RAD51B: variants seen among roughly 807,000 people sequenced by gnomAD.
RAD51B encodes the protein DNA repair protein RAD51 homolog 2.
RAD51B carries 38 observed loss-of-function variants against 42.2 expected under a neutral mutation model. The observed-to-expected ratio is 0.90, with a 90% CI of 0.70 to 1.18. RAD51B has a LOEUF of 1.18. RAD51B is among the 50% of genes most tolerant of loss of function. The probability of loss-of-function intolerance (pLI) is 0.00; values close to 1 mark genes in which losing one functional copy is unlikely to be tolerated. For missense variants in RAD51B, 373 were observed against 400.7 expected (o/e 0.93, Z 0.59); for synonymous variants, 154 against 145.2 (o/e 1.06, Z -0.43).
rs777314634 is a variant in RAD51B, at chr14:67,865,019, G to A, written c.332G>A (p.Gly111Asp). The A allele has an allele frequency of 1.1e-5, 7 of 633,976 alleles. No individual in the cohort carries two copies. The African/African-American group carries it at 1.2e-4, about 11-fold the overall frequency. 39.3% of individuals were successfully genotyped at this position (633,976 alleles called of 1,614,324 possible). A position where few individuals can be genotyped will look rare whatever the true frequency, so the allele number is the denominator to read the frequency against. ...TTTTTTTAGATTACAGGTCCACCAG[G>A]TTGTGGAAAAACTCAGTTTTGTATA... ...GSLTEITGPP[G>D]CGKTQFCIMM... Residue 111 changes from glycine to aspartate, a missense_variant, in exon 5 of 11, where the codon GGT (glycine) becomes GAT (aspartate). Coordinates refer to ENST00000471583, the MANE Select transcript of RAD51B (RefSeq NM_133510.4).
intron 8 of RAD51B, among the ~76,000 whole-genome samples, chr14:68,347,825 G>T: frequency 6.6e-6 from 1 of 152,202 alleles, no homozygotes; most frequent in East Asian, 1.9e-4. Flanking sequence ...GATTGCTTGG[G>T]AATCCAAGGC....
chr14:68,660,165 G>A (rs1430911304), intron 11 of RAD51B, among the ~76,000 whole-genome samples: 1 of 152,206 alleles, frequency 6.6e-6, no homozygotes, highest in African/African-American at 2.4e-5. Flanking sequence ...CCACCACTCA[G>A]TTTCAGCTGG....
At chr14:68,541,205 C>T in intron 10 of RAD51B, 1 of 985,432 alleles carries the variant, frequency 1.0e-6, no homozygotes, top group Non-Finnish European at 1.2e-6. Context: ...CCTTTCTCTG[C>T]TCAGCTCCGT....
At position 67,951,382 on chromosome 14, in the gene RAD51B, T is replaced by A. The variant is rs542213318; in HGVS notation, c.756+64178T>A. 1.5e-4 allele frequency among the ~76,000 whole-genome samples: 23 copies of A among 152,346 alleles called. No homozygotes were observed. In the South Asian group the frequency reaches 4.3e-3, roughly 29 times the overall value. On this transcript the variant is annotated intron_variant, in intron 7 of 10. Transcript: ENST00000471583. ...GATAGTTTGCCATTGTCAAGTTAAATTTTTATGAGCTTTTTCAGAGCAGAA... is the reference window on the plus strand; with the variant it reads ...GATAGTTTGCCATTGTCAAGTTAAAATTTTATGAGCTTTTTCAGAGCAGAA...
intron 7 of RAD51B, among the ~76,000 whole-genome samples, chr14:67,942,075 T>TG (rs2045229513): frequency 6.6e-6 from 1 of 152,236 alleles, no homozygotes; most frequent in South Asian, 2.1e-4. Context: ...ATAAAGTAGT[T>TG]GGACCTGCTG....
At chr14:68,108,862 CTGTT>C (rs2077417552) in intron 7 of RAD51B, among the ~76,000 whole-genome samples, 1 of 151,828 alleles carries the variant, frequency 6.6e-6, no homozygotes, top group African/African-American at 2.4e-5. Context: ...CTTCAATTAT[CTGTT>C]TGTGTCTGGG....
chr14:68,649,172 A>G (rs1892648291), intron 10 of RAD51B, among the ~76,000 whole-genome samples: 1 of 152,228 alleles, frequency 6.6e-6, no homozygotes, highest in Admixed American at 6.5e-5. Flanking sequence ...TCCCAGCTCC[A>G]AGCTCCGAGC....
chr14:68,594,236 G>A (rs536745410), intron 10 of RAD51B, among the ~76,000 whole-genome samples: 4 of 152,180 alleles, frequency 2.6e-5, no homozygotes, highest in South Asian at 2.1e-4. Context: ...TGAGTGAGGC[G>A]GTGGGGGAGA....
intron 10 of RAD51B, among the ~76,000 whole-genome samples, chr14:68,594,000 CTTTG>C (rs1304783825): frequency 2.6e-5 from 4 of 152,150 alleles, no homozygotes; most frequent in African/African-American, 4.8e-5. Flanking sequence ...CACTGGGGCA[CTTTG>C]TTTGTGTATG....
intron 7 of RAD51B, among the ~76,000 whole-genome samples, chr14:68,117,443 G>T (rs372292849): frequency 1.3e-5 from 2 of 152,108 alleles, no homozygotes; most frequent in African/African-American, 4.8e-5. Context: ...AGATATGACC[G>T]TGGAGAGCTC....
At chr14:68,338,924 A>G in intron 8 of RAD51B, 1 of 657,534 alleles carries the variant, frequency 1.5e-6, no homozygotes, top group South Asian at 1.4e-5. Context: ...TGAAGACAAC[A>G]GTGGTGCAGG....
chr14:68,182,774 T>A (rs752197485), intron 7 of RAD51B, among the ~76,000 whole-genome samples: 5 of 152,252 alleles, frequency 3.3e-5, no homozygotes, highest in African/African-American at 9.6e-5. Flanking sequence ...TTTGCAAACA[T>A]GCCTAGTTTC....
At chr14:67,956,249 C>T (rs1315765110) in intron 7 of RAD51B, among the ~76,000 whole-genome samples, 1 of 152,110 alleles carries the variant, frequency 6.6e-6, no homozygotes, top group Non-Finnish European at 1.5e-5. Flanking sequence ...CCTGTAATCC[C>T]AGTAGTTTGG....
At chr14:67,933,352 G>A (rs2044810619) in intron 7 of RAD51B, among the ~76,000 whole-genome samples, 1 of 152,200 alleles carries the variant, frequency 6.6e-6, no homozygotes, top group Non-Finnish European at 1.5e-5. Flanking sequence ...GAGATATGGG[G>A]CCTCTGATTT....
At chr14:67,916,630 C>T (rs919020110) in intron 7 of RAD51B, among the ~76,000 whole-genome samples, 2 of 152,106 alleles carry the variant, frequency 1.3e-5, no homozygotes, top group African/African-American at 4.8e-5. Flanking sequence ...ATTTTAGCCA[C>T]AGACATGGAT....
chr14:68,674,835 T>A (rs1335565285), intron 11 of RAD51B, among the ~76,000 whole-genome samples: 1 of 151,254 alleles, frequency 6.6e-6, no homozygotes, highest in Admixed American at 6.6e-5. Context: ...AGGCATGCCA[T>A]GCTATGGTTT....
chr14:68,642,170 G>A (rs911938268), intron 10 of RAD51B, among the ~76,000 whole-genome samples: 1 of 152,160 alleles, frequency 6.6e-6, no homozygotes, highest in African/African-American at 2.4e-5. Flanking sequence ...AGAGATTATA[G>A]CAAATTGGTA....
At chr14:67,889,527 A>G (rs866326034) in intron 7 of RAD51B, among the ~76,000 whole-genome samples, 5 of 148,210 alleles carry the variant, frequency 3.4e-5, no homozygotes, top group Admixed American at 1.3e-4. Context: ...ATATAAAAAT[A>G]AAAAATATAT....
At chr14:68,519,185 T>G (rs1191416922) in intron 10 of RAD51B, among the ~76,000 whole-genome samples, 1 of 152,230 alleles carries the variant, frequency 6.6e-6, no homozygotes, top group Non-Finnish European at 1.5e-5. Context: ...GGCACACCAG[T>G]GCCTCCACTG....
Sources: gnomAD v4.1 joint callset for allele counts (sites outside exome capture counted in the v4.1 genomes callset) on GRCh38, gnomAD v4.1.1 for gene constraint, MANE v1.5 for transcripts, NCBI Gene and HGNC (gene_info 2026-07-23, HGNC 2026-07-21) for gene names.